MAX: variants seen among roughly 807,000 people sequenced by gnomAD.
MAX encodes the protein MYC associated transcriptional regulator X.
Under a neutral mutation model 22.3 loss-of-function variants are expected in MAX, and 3 were observed. The observed-to-expected ratio is 0.13, with a 90% CI of 0.06 to 0.35. The LOEUF (loss-of-function observed/expected upper bound fraction) is 0.35. Ranked by LOEUF, MAX falls within the 10% of genes least tolerant of loss-of-function variation. The pLI is 1.00. For missense variants in MAX, 119 were observed against 209.4 expected (o/e 0.57, Z 2.66); for synonymous variants, 72 against 77.7 (o/e 0.93, Z 0.39).
At chr14:65,016,724 A>G (rs114473443) in intron 3 of MAX, among the ~76,000 whole-genome samples, 263 of 152,276 alleles carry the variant, frequency 1.7e-3, no homozygotes, top group African/African-American at 5.9e-3. Context: ...CTTGTGATGA[A>G]TGTGGATGGG....
chr14:65,006,131 C>G (rs2061583189), downstream of MAX: 1 of 1,603,856 alleles, frequency 6.2e-7, no homozygotes, highest in African/African-American at 1.4e-5. Context: ...ATAAATAGGT[C>G]CAGCTTTGTT....
intron 2 of MAX, chr14:65,094,219 G>C (rs2063597049): frequency 1.1e-5 from 3 of 285,642 alleles, no homozygotes; most frequent in Non-Finnish European, 2.1e-5. Flanking sequence ...CACCTCCACT[G>C]TAAGAGATTC....
intron 3 of MAX, among the ~76,000 whole-genome samples, chr14:65,037,400 G>T (rs2062217780): frequency 2.0e-5 from 1 of 51,020 alleles, no homozygotes; most frequent in African/African-American, 7.9e-5. Flanking sequence ...ACCACGCCGG[G>T]CCCTTTTTTT....
At chr14:65,066,251 C>T (rs887268088) in intron 3 of MAX, among the ~76,000 whole-genome samples, 2 of 152,188 alleles carry the variant, frequency 1.3e-5, no homozygotes, top group South Asian at 2.1e-4. Flanking sequence ...TCAGTGAGGC[C>T]GTGATGAGTC....
chr14:65,099,562 A>AC (rs1248872076), intron 2 of MAX, among the ~76,000 whole-genome samples: 2 of 141,452 alleles, frequency 1.4e-5, no homozygotes, highest in African/African-American at 6.3e-5. Context: ...AAACAAACAA[A>AC]AAAAACACAA....
At chr14:65,006,917 C>G (rs2061602867) in intron 3 of MAX, among the ~76,000 whole-genome samples, 1 of 152,004 alleles carries the variant, frequency 6.6e-6, no homozygotes, top group Non-Finnish European at 1.5e-5. Flanking sequence ...TCCCCTGATT[C>G]ATAGCTGGTA....
intron 3 of MAX, among the ~76,000 whole-genome samples, chr14:65,045,870 C>T (rs931669914): frequency 2.0e-5 from 3 of 152,232 alleles, no homozygotes; most frequent in African/African-American, 7.2e-5. Context: ...AAGGCACTTA[C>T]CCTTGGAACA....
intron 3 of MAX, among the ~76,000 whole-genome samples, chr14:65,060,290 CT>C (rs1344695596): frequency 6.6e-6 from 1 of 151,904 alleles, no homozygotes; most frequent in Non-Finnish European, 1.5e-5. Flanking sequence ...TACAAATACA[CT>C]TTTTAAAAAG....
At chr14:65,034,394 A>G (rs1236910389) in intron 3 of MAX, among the ~76,000 whole-genome samples, 2 of 152,218 alleles carry the variant, frequency 1.3e-5, no homozygotes, top group African/African-American at 4.8e-5. Context: ...TGGGAGATAC[A>G]TTTTTAATAT....
At chr14:65,080,419 A>C (rs1313289334) in intron 3 of MAX, among the ~76,000 whole-genome samples, 1 of 152,224 alleles carries the variant, frequency 6.6e-6, no homozygotes, top group East Asian at 1.9e-4. Flanking sequence ...AGGAGCACAT[A>C]ATTAGAAGGG....
intron 3 of MAX, among the ~76,000 whole-genome samples, chr14:65,042,089 G>A (rs1432674793): frequency 3.3e-5 from 5 of 151,680 alleles, no homozygotes. Context: ...CACATAGTAG[G>A]TACTTAATAA....
rs1473682201 is a variant in MAX at position 65,022,457 on chromosome 14, G to A, written c.172-16173C>T. 2.0e-5 allele frequency among the ~76,000 whole-genome samples: 3 copies of A among 152,020 alleles called. No homozygotes were observed. In the East Asian group the frequency reaches 5.8e-4, roughly 29 times the overall value. On this transcript the variant is annotated intron_variant, in intron 3 of 3. Coordinates refer to the MAX transcript ENST00000341653. ...AGTTTTTACCTACTAGAATGTTTAT[G>A]TAATTATCCTTTGTATATTTGAGGT...
In MAX at chr14:65,027,712, A is replaced by G; in HGVS notation, c.172-21428T>C. On this transcript the variant is annotated intron_variant, in intron 3 of 3. Coordinates refer to the MAX transcript ENST00000341653. This position sits in a 1 kb window ranked among gnomAD's most constrained non-coding sequence, Gnocchi z 5.7. ...CTGTTTCTCAGAGAGAAGCTTCTTCAGTATTTGTACTCCCTGAAGCAACCT... is the reference window on the plus strand; with the variant it reads ...CTGTTTCTCAGAGAGAAGCTTCTTCGGTATTTGTACTCCCTGAAGCAACCT... 1 of 1,614,140 alleles carries G rather than the reference A, an allele frequency of 6.2e-7. No homozygotes were observed. The highest frequency in any genetic ancestry group is 8.5e-7 in the Non-Finnish European group (1 of 1,180,024).
chr14:65,019,621 C>T (rs1407165919), intron 3 of MAX, among the ~76,000 whole-genome samples: 1 of 152,112 alleles, frequency 6.6e-6, no homozygotes, highest in Non-Finnish European at 1.5e-5. Flanking sequence ...TTTCAAAAAC[C>T]ACTTGACAGT....
Position 65,041,414 on chromosome 14 carries a change from A to G in MAX, c.172-35130T>C, listed in dbSNP as rs530676278. 8.3e-4 allele frequency among the ~76,000 whole-genome samples: 127 copies of G among 152,308 alleles called. 1 individual carries two copies. Among genetic ancestry groups the G allele is most frequent in the African/African-American group, 2.9e-3 (122 of 41,574 alleles). ...TCTGGACCCCACGCTCCTGGCCAGT[A>G]TTCAGAAGAAACTCAGAAAGCAGTC... On this transcript the variant is annotated intron_variant, in intron 3 of 3. Transcript: ENST00000341653.
At chr14:65,081,814 G>C (rs1206726793) in intron 3 of MAX, among the ~76,000 whole-genome samples, 1 of 152,168 alleles carries the variant, frequency 6.6e-6, no homozygotes, top group Non-Finnish European at 1.5e-5. Context: ...AGACAGGGTG[G>C]ATGGTGGCTG....
rs2063387920 is a variant in MAX, at chr14:65,088,010, G to A, written c.171+5698C>T. Among the ~76,000 whole-genome samples, 1 of 152,112 alleles carries A rather than the reference G, an allele frequency of 6.6e-6. No individual in the cohort carries two copies. The highest frequency in any genetic ancestry group is 6.6e-5 in the Admixed American group (1 of 15,260). The stretch of plus-strand genomic sequence containing the variant: ...TAAAAACAGGAGTTTCCCTGCACAA[G>A]CTCTCTCTCTTTGCCTGCTGCCATC... On this transcript the variant is annotated intron_variant, in intron 3 of 4. Transcript: ENST00000358664. This position sits in a 1 kb window ranked among gnomAD's most constrained non-coding sequence, Gnocchi z 5.2.
chr14:65,100,593 CTTCTTTA>C (rs2063802782), intron 2 of MAX, among the ~76,000 whole-genome samples: 1 of 152,208 alleles, frequency 6.6e-6, no homozygotes, highest in African/African-American at 2.4e-5. Flanking sequence ...TCACCTCTTC[CTTCTTTA>C]TTCTTTATGG....
rs1358219128 is a variant in MAX at position 65,034,485 on chromosome 14, C to G, written c.172-28201G>C. 2.6e-5 allele frequency among the ~76,000 whole-genome samples: 4 copies of G among 152,184 alleles called. No individual in the cohort carries two copies. In the East Asian group the frequency reaches 5.8e-4, roughly 22 times the overall value. On this transcript the variant is annotated intron_variant, in intron 3 of 3. Transcript: ENST00000341653. ...ACTTGGCAATGGTATAAACTGTAGT[C>G]TTTCTGAATTTTGTAAGCATTGCTT... is the stretch of plus-strand genomic sequence containing the variant.
Sources: gnomAD v4.1 joint callset for allele counts (sites outside exome capture counted in the v4.1 genomes callset) on GRCh38, gnomAD v4.1.1 for gene constraint, Gnocchi (gnomAD v3.1) non-coding constraint, MANE v1.5 for transcripts, NCBI Gene and HGNC (gene_info 2026-07-23, HGNC 2026-07-21) for gene names.